RLF: variants seen among roughly 807,000 people sequenced by gnomAD.
The protein encoded by RLF is RLF zinc finger.
RLF carries 7 observed loss-of-function variants against 162.9 expected under a neutral mutation model. That is an observed-to-expected ratio of 0.04 (90% CI 0.02 to 0.08). RLF has a LOEUF of 0.08. Ranked by LOEUF, RLF falls within the 10% of genes least tolerant of loss-of-function variation. The pLI is 1.00. For missense variants in RLF, 1,664 were observed against 2,244.7 expected (o/e 0.74, Z 5.23); for synonymous variants, 782 against 791.5 (o/e 0.99, Z 0.20).
At chr1:40,203,376 C>G (rs1642745273) in intron 5 of RLF, among the ~76,000 whole-genome samples, 1 of 151,748 alleles carries the variant, frequency 6.6e-6, no homozygotes, top group Non-Finnish European at 1.5e-5. Context: ...TCAGCTTGTA[C>G]TACTAAAAGT....
intron 5 of RLF, among the ~76,000 whole-genome samples, chr1:40,203,109 C>CT (rs34957684): frequency 0.023 from 2,331 of 99,576 alleles, 34 homozygotes; most frequent in Non-Finnish European, 0.029. Context: ...AGGGTTGAGT[C>CT]TTTTTTTTTT....
At chr1:40,232,745 C>T (rs1643168309) in intron 7 of RLF, among the ~76,000 whole-genome samples, 2 of 152,188 alleles carry the variant, frequency 1.3e-5, no homozygotes, top group South Asian at 4.1e-4. Context: ...CGCTCTGTCA[C>T]CCAGGCTGTA....
rs909794444 is a variant in RLF at position 40,173,088 on chromosome 1, TTTTG to T, written c.237+11454_237+11457del. On this transcript the variant is annotated intron_variant, in intron 1 of 7. Coordinates refer to ENST00000372771, the MANE Select transcript of RLF (RefSeq NM_012421.4). ...TAACATTCAGGTTTTTTTTTTTTTT[TTTTG>T]TGAGGCAGAGTTTTGCTCTTATTGC... 1.3e-4 allele frequency among the ~76,000 whole-genome samples: 20 copies of T among 150,652 alleles called. 1 individual carries two copies. The highest frequency in any genetic ancestry group is 3.7e-4 in the African/African-American group (15 of 40,590).
chr1:40,172,929 T>C (rs2124525951), intron 1 of RLF, among the ~76,000 whole-genome samples: 1 of 152,354 alleles, frequency 6.6e-6, no homozygotes, highest in East Asian at 1.9e-4. Context: ...AAGTTGAATA[T>C]GTACTTCCGC....
At chr1:40,204,034 C>CTT (rs60379541) in intron 5 of RLF, among the ~76,000 whole-genome samples, 21 of 135,160 alleles carry the variant, frequency 1.6e-4, no homozygotes, top group South Asian at 2.4e-4. Context: ...GGTCCTCTCT[C>CTT]TTTTTTTTTT....
chr1:40,195,261 C>G (rs929329242), intron 3 of RLF, among the ~76,000 whole-genome samples: 18 of 151,726 alleles, frequency 1.2e-4, no homozygotes, highest in Non-Finnish European at 7.4e-5. Context: ...CCAGCCTGGC[C>G]AAGATGGTGA....
chr1:40,216,127 T>C (rs1642921053), intron 5 of RLF, among the ~76,000 whole-genome samples: 1 of 152,200 alleles, frequency 6.6e-6, no homozygotes, highest in African/African-American at 2.4e-5. Flanking sequence ...AGGAATACTC[T>C]GAACAACTGT....
chr1:40,197,279 T>G (rs894969199), intron 4 of RLF, among the ~76,000 whole-genome samples: 5 of 152,224 alleles, frequency 3.3e-5, no homozygotes, highest in Non-Finnish European at 5.9e-5. Flanking sequence ...AGATTGGTGT[T>G]TATAGTTTTC....
At position 40,190,830 on chromosome 1, in the gene RLF, C is replaced by G. The variant is rs748865767; in HGVS notation, c.451C>G (p.Leu151Val). The change falls in exon 3 of 8, where the codon CTA becomes GTA. Residue 151 changes from leucine to valine, a missense_variant. Leu to Val is a conservative substitution (Grantham distance 32). This residue lies in a region of RLF where 287 missense variants were observed against 404.9 expected (regional missense o/e 0.71). Transcript: ENST00000372771. ...SESELPCEVW[L>V]PFLQSLQESH... ...AAGTGAACTGCCATGTGAAGTCTGG[C>G]TACCATTCCTTCAGTCTCTACAGGT... 1.2e-6 allele frequency: 2 copies of G among 1,612,762 alleles called. No homozygotes were observed. Among genetic ancestry groups the G allele is most frequent in the Admixed American group, 3.3e-5 (2 of 59,938 alleles).
At position 40,239,946 on chromosome 1, in the gene RLF, G is replaced by C. The variant is rs1340288556; in HGVS notation, c.5244G>C (p.Glu1748Asp). Residue 1748 changes from glutamate to aspartate, a missense_variant, in exon 8 of 8, where the codon GAG (glutamate) becomes GAC (aspartate). This residue lies in a region of RLF where 327 missense variants were observed against 342.7 expected (regional missense o/e 0.95). Transcript: ENST00000372771. Reference protein sequence around the residue: ...TVKNPTHVPKENFRKHSQPRS... With the variant: ...TVKNPTHVPKDNFRKHSQPRS... ...AAAATCCAACCCATGTCCCAAAAGA[G>C]AATTTTAGGAAACATTCACAGCCCC... 1 of 1,613,482 alleles carries C rather than the reference G, an allele frequency of 6.2e-7. No homozygotes were observed. Among genetic ancestry groups the C allele is most frequent in the African/African-American group, 1.3e-5 (1 of 74,914 alleles).
At chr1:40,175,199 T>TG (rs1642303031) in intron 1 of RLF, among the ~76,000 whole-genome samples, 3 of 22,914 alleles carry the variant, frequency 1.3e-4, no homozygotes, top group African/African-American at 3.9e-4. Flanking sequence ...TCTGTTATGG[T>TG]GGGGGTGGGG....
At position 40,235,933 on chromosome 1, in the gene RLF, G is replaced by A. The variant is rs2124561993; in HGVS notation, c.1231G>A (p.Ala411Thr). Reference protein sequence around the residue: ...LLPEDLEVRRACQLTEFLIEP... With the variant: ...LLPEDLEVRRTCQLTEFLIEP... ...ACCAGAAGATTTAGAAGTTAGACGA[G>A]CCTGTCAGCTTACAGAATTCTTAAT... The change falls in exon 8 of 8, where the codon GCC (alanine) becomes ACC (threonine). Residue 411 changes from alanine to threonine, a missense_variant. Ala to Thr is a moderately conservative substitution (Grantham distance 58). Transcript: ENST00000372771. The A allele has an allele frequency of 6.2e-7, 1 of 1,614,094 alleles. No individual in the cohort carries two copies. Among genetic ancestry groups the A allele is most frequent in the Non-Finnish European group, 8.5e-7 (1 of 1,180,006 alleles).
chr1:40,222,290 T>G (rs894507322), intron 5 of RLF, among the ~76,000 whole-genome samples: 1 of 152,214 alleles, frequency 6.6e-6, no homozygotes, highest in African/African-American at 2.4e-5. Flanking sequence ...AACCTGAGAT[T>G]ATTATATATA....
intron 1 of RLF, among the ~76,000 whole-genome samples, chr1:40,179,296 G>A (rs1010255234): frequency 6.6e-6 from 1 of 152,196 alleles, no homozygotes; most frequent in Non-Finnish European, 1.5e-5. Context: ...ATTTCCCTCT[G>A]TTGTTACACA....
chr1:40,222,985 C>T (rs1456034155), intron 6 of RLF, among the ~76,000 whole-genome samples: 3 of 150,464 alleles, frequency 2.0e-5, no homozygotes, highest in Non-Finnish European at 4.4e-5. Flanking sequence ...ATGAAACAAA[C>T]CTGTGTTAGT....
At chr1:40,169,226 AGTG>A (rs1642206330) in intron 1 of RLF, among the ~76,000 whole-genome samples, 1 of 152,144 alleles carries the variant, frequency 6.6e-6, no homozygotes, top group Non-Finnish European at 1.5e-5. Context: ...ACAGCTGGCA[AGTG>A]GTGGTGAGTT....
In RLF at chr1:40,237,816, A is replaced by G; in HGVS notation, c.3114A>G (p.Glu1038=). The change falls in exon 8 of 8, where the codon GAA becomes GAG. Residue 1038 remains glutamate (E), a synonymous_variant. Transcript: ENST00000372771. The surrounding 1 kb of genome is among the most constrained non-coding windows in gnomAD (Gnocchi z 4.4). ...DHNIHIKCKR[E]HQGYSSESSI... ...ATATTCACATTAAATGTAAACGAGA[A>G]CATCAAGGTTATTCCTCAGAATCCT... 6 of 1,614,138 alleles carry G rather than the reference A, an allele frequency of 3.7e-6. No individual in the cohort carries two copies. Among genetic ancestry groups the G allele is most frequent in the Non-Finnish European group, 5.1e-6 (6 of 1,179,984 alleles).
At chr1:40,222,459 G>A in intron 5 of RLF, 115 bp from the exon 6 acceptor site, 1 of 837,216 alleles carries the variant, frequency 1.2e-6, no homozygotes, top group African/African-American at 1.7e-5. Flanking sequence ...TCATTCATTA[G>A]CAGGAGAAAA....
intron 5 of RLF, among the ~76,000 whole-genome samples, chr1:40,218,519 G>A (rs773925076): frequency 1.3e-5 from 2 of 151,978 alleles, no homozygotes; most frequent in East Asian, 1.9e-4. Context: ...ACGCATTGCC[G>A]TTACATCAGA....
Sources: allele counts gnomAD v4.1 joint callset (sites outside exome capture counted in the v4.1 genomes callset), GRCh38; gene constraint gnomAD v4.1.1; regional missense constraint gnomAD v4.1.1; non-coding constraint Gnocchi (gnomAD v3.1); transcripts MANE v1.5; gene names NCBI Gene and HGNC (gene_info 2026-07-23, HGNC 2026-07-21).